SHISAL2B: variants seen among roughly 807,000 people sequenced by gnomAD.
The protein encoded by SHISAL2B is protein shisa-like-2B.
Under a neutral mutation model 16.5 loss-of-function variants are expected in SHISAL2B, and 12 were observed. The ratio of observed to expected loss-of-function variants is 0.73; its 90% CI spans 0.47 to 1.18. The LOEUF (loss-of-function observed/expected upper bound fraction) is 1.18, where lower values mean the gene tolerates loss of function less well. SHISAL2B is among the 50% of genes most tolerant of loss of function. The pLI is 0.00. For synonymous variants in SHISAL2B, 72 were observed against 75.0 expected, an observed-to-expected ratio of 0.96 and a Z score of 0.21; for missense variants, 183 against 193.6, an observed-to-expected ratio of 0.95 and a Z score of 0.33.
At chr5:64,698,419 A>C (rs559752904) in intron 2 of SHISAL2B, among the ~76,000 whole-genome samples, 15 of 152,244 alleles carry the variant, frequency 9.9e-5, no homozygotes, top group Admixed American at 3.9e-4. Context: ...TTTATTTCTT[A>C]TCTTCACATG....
chr5:64,695,485 A>AT, intron 1 of SHISAL2B, 22 bp from the exon 2 acceptor site: 35 of 1,508,948 alleles, frequency 2.3e-5, no homozygotes, highest in South Asian at 7.5e-5. Context: ...TGTGACACAT[A>AT]TTTTTTTTCT....
At chr5:64,708,934 A>C (rs973367459) in intron 2 of SHISAL2B, among the ~76,000 whole-genome samples, 2 of 152,004 alleles carry the variant, frequency 1.3e-5, no homozygotes, top group Non-Finnish European at 2.9e-5. Flanking sequence ...TAGGCCCTGG[A>C]TTTTAAATTT....
intron 2 of SHISAL2B, among the ~76,000 whole-genome samples, chr5:64,701,772 A>G (rs1741812413): frequency 6.6e-6 from 1 of 152,264 alleles, no homozygotes; most frequent in Admixed American, 6.5e-5. Flanking sequence ...CATAAATTAT[A>G]TATGAAATAC....
rs1403301430 is a variant in SHISAL2B, at chr5:64,695,668, A to T, written c.349+4A>T. On this transcript the variant is annotated splice_donor_region_variant and intron_variant, in intron 2 of 2. Transcript: ENST00000389074. ...GAGGCTTCTTCCACTCAAGAAGGTAATCAGTATCTATTATTTGTTACCAAT... is the reference window on the plus strand; with the variant it reads ...GAGGCTTCTTCCACTCAAGAAGGTATTCAGTATCTATTATTTGTTACCAAT... 9.2e-6 allele frequency: 14 copies of T among 1,519,236 alleles called. No homozygotes were observed. Among genetic ancestry groups the T allele is most frequent in the Non-Finnish European group, 1.2e-5 (14 of 1,137,960 alleles). 94.1% of individuals were successfully genotyped at this position (1,519,236 alleles called of 1,614,324 possible). A position where few individuals can be genotyped will look rare whatever the true frequency, so the allele number is the denominator to read the frequency against.
At chr5:64,711,307 T>C (rs1741954373) in intron 2 of SHISAL2B, among the ~76,000 whole-genome samples, 1 of 148,106 alleles carries the variant, frequency 6.8e-6, no homozygotes, top group African/African-American at 2.7e-5. Flanking sequence ...ATGTGGTTTT[T>C]GTCTTTGGTT....
At position 64,706,869 on chromosome 5, in the gene SHISAL2B, C is replaced by T. The variant is rs186032783; in HGVS notation, c.350-11020C>T. 1.7e-3 allele frequency among the ~76,000 whole-genome samples: 252 copies of T among 151,032 alleles called. 1 individual carries two copies. The Middle Eastern group carries it at 0.017, about 10-fold the overall frequency. ...ACAGCTTAGTTTTCAGTGATTTCAA[C>T]GTAGGAAAAATAGGGGAAAAAAGAT... On this transcript the variant is annotated intron_variant, in intron 2 of 2. Coordinates refer to ENST00000389074, the MANE Select transcript of SHISAL2B (RefSeq NM_001164442.2).
chr5:64,709,568 G>T (rs1580525481), intron 2 of SHISAL2B, among the ~76,000 whole-genome samples: 1 of 151,432 alleles, frequency 6.6e-6, no homozygotes, highest in East Asian at 1.9e-4. Flanking sequence ...TGGGATGGCT[G>T]GGTCAAATGG....
chr5:64,696,153 A>G (rs1397764045), intron 2 of SHISAL2B, among the ~76,000 whole-genome samples: 3 of 152,306 alleles, frequency 2.0e-5, no homozygotes, highest in South Asian at 2.1e-4. Context: ...CTTTACTGCA[A>G]CCTCTGAACA....
At chr5:64,714,798 G>T (rs1431846783) in intron 2 of SHISAL2B, among the ~76,000 whole-genome samples, 3 of 152,142 alleles carry the variant, frequency 2.0e-5, no homozygotes, top group African/African-American at 7.2e-5. Context: ...GGAGTGACCC[G>T]ATTTTCCAGG....
At chr5:64,703,599 T>C (rs971673517) in intron 2 of SHISAL2B, among the ~76,000 whole-genome samples, 5 of 152,198 alleles carry the variant, frequency 3.3e-5, no homozygotes, top group South Asian at 2.1e-4. Flanking sequence ...CAGTATCTCA[T>C]TGAAAATTAT....
chr5:64,708,847 A>G (rs1032062635), intron 2 of SHISAL2B, among the ~76,000 whole-genome samples: 2 of 152,156 alleles, frequency 1.3e-5, no homozygotes, highest in Admixed American at 6.5e-5. Context: ...TACAAGTAGA[A>G]TATTAAGTAA....
intron 2 of SHISAL2B, among the ~76,000 whole-genome samples, chr5:64,704,258 A>C (rs1475692787): frequency 6.6e-6 from 1 of 152,246 alleles, no homozygotes; most frequent in Non-Finnish European, 1.5e-5. Context: ...TTGAAATGGC[A>C]GGCAAGAGCA....
chr5:64,693,515 G>A (rs143201394), intron 1 of SHISAL2B, among the ~76,000 whole-genome samples: 1,801 of 152,280 alleles, frequency 0.012, 19 homozygotes, highest in Non-Finnish European at 0.019. Flanking sequence ...CTTTCAAATA[G>A]ACTAAATTAC....
intron 2 of SHISAL2B, among the ~76,000 whole-genome samples, chr5:64,714,174 T>C (rs1295683626): frequency 6.8e-6 from 1 of 147,366 alleles, no homozygotes; most frequent in Non-Finnish European, 1.5e-5. Flanking sequence ...TGTGGTTTTA[T>C]CTACTTTTGG....
In SHISAL2B at chr5:64,690,599, G is replaced by A. The variant is rs560084547; in HGVS notation, c.-25G>A. 5.0e-4 allele frequency: 719 copies of A among 1,444,050 alleles called. No homozygotes were observed. The highest frequency in any genetic ancestry group is 6.3e-4 in the Non-Finnish European group (687 of 1,095,724). 89.5% of individuals were successfully genotyped at this position (1,444,050 alleles called of 1,614,324 possible). ...TCCGAGAGCAGACCGGGGCCCTCGC[G>A]AGCCTCTCCCGGCCCCTGCCCGCGA... On this transcript the variant is annotated 5_prime_UTR_variant, in exon 1 of 3. Transcript: ENST00000389074.
intron 2 of SHISAL2B, among the ~76,000 whole-genome samples, chr5:64,703,622 TATATA>T (rs77440571): frequency 0.02 from 3,072 of 152,292 alleles, 53 homozygotes; most frequent in Non-Finnish European, 0.035. Flanking sequence ...ATTTCAAGGA[TATATA>T]ATATCTGCTA....
chr5:64,714,727 G>T (rs1362770802), intron 2 of SHISAL2B, among the ~76,000 whole-genome samples: 1 of 152,208 alleles, frequency 6.6e-6, no homozygotes, highest in Non-Finnish European at 1.5e-5. Context: ...GCCAGGTGTG[G>T]GATATAGTCT....
rs570117883 is a variant in SHISAL2B, at chr5:64,700,398, C to T, written c.349+4734C>T. 7.2e-5 allele frequency among the ~76,000 whole-genome samples: 11 copies of T among 152,148 alleles called. No individual in the cohort carries two copies. In the East Asian group the frequency reaches 1.3e-3, roughly 19 times the overall value. On this transcript the variant is annotated intron_variant, in intron 2 of 2. Coordinates refer to ENST00000389074, the MANE Select transcript of SHISAL2B (RefSeq NM_001164442.2). The stretch of plus-strand genomic sequence containing the variant: ...GTATTTGCATGTAACTACACATATC[C>T]TTCCATTTTATTTATTTGTTTATTT...
chr5:64,692,056 G>A (rs186939784), intron 1 of SHISAL2B, among the ~76,000 whole-genome samples: 1 of 152,268 alleles, frequency 6.6e-6, no homozygotes, highest in South Asian at 2.1e-4. Context: ...TGACAAAATT[G>A]TATTTTGCTG....
Sources: allele counts gnomAD v4.1 joint callset (sites outside exome capture counted in the v4.1 genomes callset), GRCh38; gene constraint gnomAD v4.1.1; transcripts MANE v1.5; gene names NCBI Gene and HGNC (gene_info 2026-07-23, HGNC 2026-07-21).